ADAP1: variants seen among roughly 807,000 people sequenced by gnomAD.
The protein encoded by ADAP1 is arf-GAP with dual PH domain-containing protein 1.
Under a neutral mutation model 54.9 loss-of-function variants are expected in ADAP1, and 31 were observed. The observed-to-expected ratio is 0.56, with a 90% confidence interval of 0.42 to 0.76. The LOEUF (loss-of-function observed/expected upper bound fraction) is 0.76, where lower values mean the gene tolerates loss of function less well. Ranked by LOEUF, ADAP1 falls within the 30% of genes least tolerant of loss-of-function variation. The pLI is 0.00. For synonymous variants in ADAP1, 313 were observed against 202.6 expected (o/e 1.55, Z -4.63); for missense variants, 535 against 512.4 (o/e 1.04, Z -0.42).
rs181856404 is a variant in ADAP1 at position 946,359 on chromosome 7, C to T, written c.82+8037G>A. ...CAGGCCCCAGGCCCCCACCCCCTCA[C>T]GCTCACGGGCGGCCCTGGTCCCATT... On this transcript the variant is annotated intron_variant, in intron 1 of 10. Transcript: ENST00000265846. The surrounding 1 kb of genome is among the most constrained non-coding windows in gnomAD (Gnocchi z 4.3). Among the ~76,000 whole-genome samples, 66 of 152,302 alleles carry T rather than the reference C, an allele frequency of 4.3e-4. 1 individual carries two copies. The East Asian group carries it at 7.2e-3, about 17-fold the overall frequency.
In ADAP1 at chr7:906,671, ACATGGAC is replaced by A. The variant is rs1562915063; in HGVS notation, c.389-1506_389-1500del. ...AAGGAGAAAGGGGGCGGGAAAGGGGACATGGACAGGGGACACGGGGGACATGGACATG... is the reference window on the plus strand; with the variant it reads ...AAGGAGAAAGGGGGCGGGAAAGGGGAAGGGGACACGGGGGACATGGACATG... On this transcript the variant is annotated intron_variant, in intron 4 of 10. Coordinates refer to ENST00000265846, the MANE Select transcript of ADAP1 (RefSeq NM_006869.4). 2.9e-4 allele frequency among the ~76,000 whole-genome samples: 27 copies of A among 94,046 alleles called. 2 individuals are homozygous for A. Among genetic ancestry groups the A allele is most frequent in the East Asian group, 1.7e-3 (3 of 1,764 alleles). 61.7% of individuals were successfully genotyped at this position (94,046 alleles called of 152,430 possible).
At position 920,674 on chromosome 7, in the gene ADAP1, G is replaced by A; in HGVS notation, c.306-624C>T. The stretch of plus-strand genomic sequence containing the variant: ...AATCCAGGAAGACCCGGGATGAGGA[G>A]AAGCCCCCGAGAGTAAAGCCCGGGA... On this transcript the variant is annotated intron_variant, in intron 3 of 10. Transcript: ENST00000265846. This position sits in a 1 kb window ranked among gnomAD's most constrained non-coding sequence, Gnocchi z 4.5. The A allele has an allele frequency of 1.1e-6, 1 of 884,748 alleles. No homozygotes were observed. The highest frequency in any genetic ancestry group is 1.7e-5 in the African/African-American group (1 of 58,826). 54.8% of individuals were successfully genotyped at this position (884,748 alleles called of 1,614,324 possible).
chr7:942,185 A>G (rs1194048541), intron 1 of ADAP1, among the ~76,000 whole-genome samples: 4 of 152,218 alleles, frequency 2.6e-5, no homozygotes, highest in Non-Finnish European at 4.4e-5. Context: ...AAGCCATACA[A>G]TTTTAAAAGA....
intron 4 of ADAP1, among the ~76,000 whole-genome samples, chr7:906,766 CAT>C (rs1845457255): frequency 1.5e-4 from 2 of 13,748 alleles, no homozygotes; most frequent in Non-Finnish European, 2.5e-4. Context: ...GGACAGGGGA[CAT>C]GGGGGACAGG....
rs1197902142 is a variant in ADAP1, at chr7:900,092, G to A, written c.795+10C>T. 1.2e-6 allele frequency: 2 copies of A among 1,612,854 alleles called. No homozygotes were observed. The highest frequency in any genetic ancestry group is 1.7e-6 in the Non-Finnish European group (2 of 1,179,874). ...CAGGCCACCCCAGGCCGCACGTGCG[G>A]CACACCCACCTTGGGCCCCGTCTTC... On this transcript the variant is annotated intron_variant, in intron 8 of 10. Transcript: ENST00000265846.
chr7:906,698 GACATGGGGGACGGGACATCGGGGAC>G (rs1562915258), intron 4 of ADAP1, among the ~76,000 whole-genome samples: 6 of 34,270 alleles, frequency 1.8e-4, no homozygotes, highest in Non-Finnish European at 2.7e-4. Context: ...GGGGGACATG[GACATGGGGGACGGGACATCGGGGAC>G]GGGACATGGG....
At chr7:935,336 G>C (rs1451404747) in intron 2 of ADAP1, 39 bp downstream of exon 2, 2 of 1,542,280 alleles carry the variant, frequency 1.3e-6, no homozygotes, top group East Asian at 4.9e-5. Context: ...GAGGCCACCC[G>C]GGGACTGCGC....
Position 899,209 on chromosome 7 carries a change from G to C in ADAP1, c.920C>G (p.Thr307Arg), listed in dbSNP as rs139606251. The C allele has an allele frequency of 3.1e-6, 5 of 1,612,530 alleles. No individual in the cohort carries two copies. In the South Asian group the frequency reaches 3.3e-5, roughly 11 times the overall value. ...VFIGSKESGY[T>R]VLHGFPPSTQ... ...GGACGGCGGGAACCCATGCAGCACC[G>C]TGTAGCCACTCTCCTTGCTGCCAAT... The change falls in exon 10 of 11, where the codon ACG becomes AGG. Residue 307 changes from threonine (T) to arginine (R), a missense_variant. Thr to Arg is a moderately conservative substitution (Grantham distance 71, BLOSUM62 -1). Coordinates refer to ENST00000265846, the MANE Select transcript of ADAP1 (RefSeq NM_006869.4).
chr7:953,160 G>C (rs976890955), intron 1 of ADAP1, among the ~76,000 whole-genome samples: 2 of 152,138 alleles, frequency 1.3e-5, no homozygotes, highest in East Asian at 3.9e-4. Flanking sequence ...TGTGGGGAGA[G>C]AGTCTGGGGT....
At chr7:899,366 C>T in intron 9 of ADAP1, 53 bp downstream of exon 9, 1 of 1,608,162 alleles carries the variant, frequency 6.2e-7, no homozygotes, top group Non-Finnish European at 8.5e-7. Context: ...ACGCATCTGG[C>T]AACCCCAGCC....
rs1440752260 is a variant in ADAP1 at position 906,674 on chromosome 7, T to C, written c.389-1502A>G. ...GAGAAAGGGGGCGGGAAAGGGGACA[T>C]GGACAGGGGACACGGGGGACATGGA... On this transcript the variant is annotated intron_variant, in intron 4 of 10. Transcript: ENST00000265846. 9.9e-5 allele frequency among the ~76,000 whole-genome samples: 6 copies of C among 60,546 alleles called. 2 individuals carry two copies. Among genetic ancestry groups the C allele is most frequent in the Admixed American group, 1.7e-4 (1 of 5,870 alleles). 39.7% of individuals were successfully genotyped at this position (60,546 alleles called of 152,430 possible).
At chr7:925,932 C>T (rs984149721) in intron 3 of ADAP1, among the ~76,000 whole-genome samples, 2 of 152,212 alleles carry the variant, frequency 1.3e-5, no homozygotes, top group Non-Finnish European at 2.9e-5. Flanking sequence ...ACGTCTTTCC[C>T]CTGTGACAGG....
Position 909,457 on chromosome 7 carries a change from C to T in ADAP1, c.389-4285G>A, listed in dbSNP as rs549467011. Reference sequence around the variant, plus strand: ...CTCCCGACAGCAGGCGCCAGGACGCCGCATTCCAGGGGCAATGACGACGCA... The same window carrying T: ...CTCCCGACAGCAGGCGCCAGGACGCTGCATTCCAGGGGCAATGACGACGCA... On this transcript the variant is annotated intron_variant, in intron 4 of 10. Coordinates refer to ENST00000265846, the MANE Select transcript of ADAP1 (RefSeq NM_006869.4). 3.3e-5 allele frequency among the ~76,000 whole-genome samples: 5 copies of T among 152,336 alleles called. 1 individual carries two copies. Among genetic ancestry groups the T allele is most frequent in the African/African-American group, 4.8e-5 (2 of 41,574 alleles).
intron 4 of ADAP1, among the ~76,000 whole-genome samples, chr7:916,504 A>G (rs868087671): frequency 6.6e-6 from 1 of 152,250 alleles, no homozygotes; most frequent in South Asian, 2.1e-4. Context: ...CCACCTTGCT[A>G]CAAATTGCTA....
chr7:904,113 C>G lies in ADAP1; in HGVS notation c.648+13G>C, dbSNP rs371597954. The G allele has an allele frequency of 6.2e-7, 1 of 1,611,632 alleles. No individual in the cohort carries two copies. Among genetic ancestry groups the G allele is most frequent in the African/African-American group, 1.3e-5 (1 of 74,978 alleles). ...CCTGTGCCACCCGGGCCCGAGTGCT[C>G]GCCAGCACCCACCTTCCCGTCCTCA... On this transcript the variant is annotated intron_variant, in intron 6 of 10. Transcript: ENST00000265846.
Position 954,418 on chromosome 7 carries a change from G to T in ADAP1, c.60C>A (p.Arg20=). The change falls in exon 1 of 11, where the codon CGC becomes CGA. Residue 20 remains arginine, a synonymous_variant. Coordinates refer to ENST00000265846, the MANE Select transcript of ADAP1 (RefSeq NM_006869.4). The part of the protein sequence containing the change: ...LELLQRPGNA[R]CADCGAPDPD... ...TACCCGGGGCGCCGCAGTCCGCGCA[G>T]CGCGCGTTCCCCGGCCGCTGCAGCA... 1 of 1,132,212 alleles carries T rather than the reference G, an allele frequency of 8.8e-7. No homozygotes were observed. Among genetic ancestry groups the T allele is most frequent in the Non-Finnish European group, 1.1e-6 (1 of 912,386 alleles). 70.1% of individuals were successfully genotyped at this position (1,132,212 alleles called of 1,614,324 possible).
At chr7:951,459 C>A (rs1847270322) in intron 1 of ADAP1, among the ~76,000 whole-genome samples, 2 of 152,090 alleles carry the variant, frequency 1.3e-5, no homozygotes, top group South Asian at 2.1e-4. Flanking sequence ...CACTCAGCAG[C>A]CTTCTTCCCA....
chr7:899,375 C>T (rs1223929739), intron 9 of ADAP1, 44 bp downstream of exon 9: 8 of 1,609,782 alleles, frequency 5.0e-6, no homozygotes, highest in Non-Finnish European at 6.8e-6. Context: ...GCAACCCCAG[C>T]CAGTGAGCTG....
intron 2 of ADAP1, among the ~76,000 whole-genome samples, chr7:932,711 C>A (rs191635995): frequency 6.6e-6 from 1 of 152,042 alleles, no homozygotes; most frequent in Non-Finnish European, 1.5e-5. Flanking sequence ...GAAGGTGGGT[C>A]GAAGGGCGAA....
Sources: gnomAD v4.1 joint callset for allele counts (sites outside exome capture counted in the v4.1 genomes callset) on GRCh38, gnomAD v4.1.1 for gene constraint, Gnocchi (gnomAD v3.1) non-coding constraint, MANE v1.5 for transcripts, NCBI Gene and HGNC (gene_info 2026-07-23, HGNC 2026-07-21) for gene names.